LRRC7: variants seen among roughly 807,000 people sequenced by gnomAD.
LRRC7 encodes leucine-rich repeat-containing protein 7.
In LRRC7, 23 loss-of-function variants were observed where a neutral mutation model predicts 175.7. That is an observed-to-expected ratio of 0.13 (90% confidence interval 0.09 to 0.19). The LOEUF (loss-of-function observed/expected upper bound fraction) is 0.19, where lower values mean the gene tolerates loss of function less well. Among genes scored for constraint, LRRC7 ranks in the 10% least tolerant of loss-of-function variants. The pLI is 1.00. For synonymous variants in LRRC7, 685 were observed against 680.9 expected (o/e 1.01, Z -0.09); for missense variants, 1,354 against 1,904.7 (o/e 0.71, Z 5.38).
At position 69,568,282 on chromosome 1, in the gene LRRC7, G is replaced by A. The variant is rs1022138194; in HGVS notation, c.-358G>A. The A allele has an allele frequency of 1.0e-4, 20 of 194,096 alleles. No individual in the cohort carries two copies. The highest frequency in any genetic ancestry group is 1.9e-4 in the South Asian group (2 of 10,680). 12.0% of individuals were successfully genotyped at this position (194,096 alleles called of 1,614,324 possible). A position where few individuals can be genotyped will look rare whatever the true frequency, so the allele number is the denominator to read the frequency against. On this transcript the variant is annotated 5_prime_UTR_variant, in exon 1 of 27. Transcript: ENST00000651989. ...GGGAGGGAGCTGCGCCTCCGCCACCGCCGCCGCCGCCGCCGCTGCTGCTGC... is the reference window on the plus strand; with the variant it reads ...GGGAGGGAGCTGCGCCTCCGCCACCACCGCCGCCGCCGCCGCTGCTGCTGC...
At chr1:70,114,067 A>G (rs1314095340) in intron 26 of LRRC7, among the ~76,000 whole-genome samples, 1 of 152,186 alleles carries the variant, frequency 6.6e-6, no homozygotes, top group South Asian at 2.1e-4. Flanking sequence ...AAATCTTCCA[A>G]AAAAAAACCT....
intron 2 of LRRC7, among the ~76,000 whole-genome samples, chr1:69,755,284 T>A (rs1670283849): frequency 6.6e-6 from 1 of 151,124 alleles, no homozygotes; most frequent in African/African-American, 2.4e-5. Flanking sequence ...TCTCTCACTT[T>A]CCTAATGCAT....
At chr1:70,004,507 C>G (rs12084223) in intron 11 of LRRC7, among the ~76,000 whole-genome samples, 3,629 of 152,154 alleles carry the variant, frequency 0.024, 173 homozygotes, top group African/African-American at 0.084. Context: ...GTGTTTAGGC[C>G]TTATGACACG....
At chr1:69,861,739 A>C (rs1455449289) in intron 7 of LRRC7, among the ~76,000 whole-genome samples, 1 of 152,236 alleles carries the variant, frequency 6.6e-6, no homozygotes, top group Non-Finnish European at 1.5e-5. Flanking sequence ...TAGCCGTGAC[A>C]GAAAAGGCTA....
intron 1 of LRRC7, among the ~76,000 whole-genome samples, chr1:69,585,030 A>G (rs981871397): frequency 3.3e-5 from 5 of 152,186 alleles, no homozygotes; most frequent in Admixed American, 3.3e-4. Flanking sequence ...ATGTTATACA[A>G]AATGTTCCAT....
intron 2 of LRRC7, among the ~76,000 whole-genome samples, chr1:69,729,996 C>T (rs1365219028): frequency 6.6e-6 from 1 of 152,330 alleles, no homozygotes; most frequent in Admixed American, 6.5e-5. Flanking sequence ...CACATGAAAG[C>T]TACCAAGGCT....
At chr1:69,639,984 G>T (rs115147306) in intron 1 of LRRC7, among the ~76,000 whole-genome samples, 2,819 of 151,768 alleles carry the variant, frequency 0.019, 90 homozygotes, top group African/African-American at 0.063. Context: ...TTCTTGTTCT[G>T]TTGGCATTAG....
rs1684449668 is a variant in LRRC7 at position 69,862,394 on chromosome 1, A to G, written c.647+24111A>G. 3.3e-5 allele frequency among the ~76,000 whole-genome samples: 5 copies of G among 152,290 alleles called. No homozygotes were observed. In the South Asian group the frequency reaches 8.3e-4, roughly 25 times the overall value. On this transcript the variant is annotated intron_variant, in intron 7 of 26. Coordinates refer to ENST00000651989, the MANE Select transcript of LRRC7 (RefSeq NM_001370785.2). ...AATGAAACTTTTTATAATAAAATCA[A>G]AAATTAAAACTGAGTATTTTCACTG...
chr1:69,772,736 A>G (rs950115713), intron 3 of LRRC7, among the ~76,000 whole-genome samples: 2 of 152,180 alleles, frequency 1.3e-5, no homozygotes, highest in African/African-American at 4.8e-5. Flanking sequence ...TGATAATGAA[A>G]TGGATTTGGG....
chr1:69,744,193 A>G (rs566643420), intron 2 of LRRC7, among the ~76,000 whole-genome samples: 1 of 152,008 alleles, frequency 6.6e-6, no homozygotes, highest in Non-Finnish European at 1.5e-5. Flanking sequence ...ATTATCTAAT[A>G]TATTTACTTA....
chr1:69,782,296 G>A (rs1156956184), intron 3 of LRRC7, among the ~76,000 whole-genome samples: 2 of 152,172 alleles, frequency 1.3e-5, no homozygotes, highest in African/African-American at 2.4e-5. Flanking sequence ...CACACTTTCC[G>A]TACTGCAGGA....
intron 4 of LRRC7, among the ~76,000 whole-genome samples, chr1:69,797,864 C>A (rs536856466): frequency 1.3e-5 from 2 of 152,046 alleles, no homozygotes; most frequent in African/African-American, 4.8e-5. Flanking sequence ...TCTATTAACT[C>A]CTACATTCCA....
chr1:69,671,655 G>T (rs1275676508), intron 1 of LRRC7, among the ~76,000 whole-genome samples: 4 of 152,136 alleles, frequency 2.6e-5, no homozygotes, highest in African/African-American at 9.7e-5. Context: ...TGGTAGTGAG[G>T]CTTCCTGGAG....
At chr1:69,896,202 A>G (rs1645975472) in intron 7 of LRRC7, among the ~76,000 whole-genome samples, 1 of 152,130 alleles carries the variant, frequency 6.6e-6, no homozygotes, top group East Asian at 1.9e-4. Context: ...TTTTCAGGGT[A>G]CATGTGATAA....
chr1:69,613,094 GC>G (rs1303040765), intron 1 of LRRC7, among the ~76,000 whole-genome samples: 1 of 151,952 alleles, frequency 6.6e-6, no homozygotes, highest in African/African-American at 2.4e-5. Context: ...AGCCAGTTTG[GC>G]CTGCTATAAC....
At chr1:69,810,322 A>G (rs1387423890) in intron 4 of LRRC7, among the ~76,000 whole-genome samples, 2 of 152,226 alleles carry the variant, frequency 1.3e-5, no homozygotes, top group Non-Finnish European at 2.9e-5. Context: ...AGGAAGAATC[A>G]ATATCATGAA....
chr1:70,026,667 A>G lies in LRRC7; in HGVS notation c.1795-1504A>G, dbSNP rs141379859. ...TATATTTCTATATATTATCAATGTC[A>G]TCCTTATTTATTTGAGAGTTTAAAG... On this transcript the variant is annotated intron_variant, in intron 17 of 26. Coordinates refer to ENST00000651989, the MANE Select transcript of LRRC7 (RefSeq NM_001370785.2). Among the ~76,000 whole-genome samples, 762 of 152,222 alleles carry G rather than the reference A, an allele frequency of 5.0e-3. 8 individuals are homozygous for G. The highest frequency in any genetic ancestry group is 0.017 in the African/African-American group (694 of 41,538).
At chr1:69,999,182 G>A (rs1287469649) in intron 11 of LRRC7, among the ~76,000 whole-genome samples, 1 of 152,216 alleles carries the variant, frequency 6.6e-6, no homozygotes, top group Non-Finnish European at 1.5e-5. Context: ...AAACTGAGCT[G>A]TTTAAATAGT....
chr1:69,801,072 T>G (rs564357557), intron 4 of LRRC7, among the ~76,000 whole-genome samples: 1 of 151,444 alleles, frequency 6.6e-6, no homozygotes, highest in Non-Finnish European at 1.5e-5. Flanking sequence ...CTTCACACAC[T>G]TTGAATAAAA....
Sources: allele counts gnomAD v4.1 joint callset (sites outside exome capture counted in the v4.1 genomes callset), GRCh38; gene constraint gnomAD v4.1.1; transcripts MANE v1.5; gene names NCBI Gene and HGNC (gene_info 2026-07-23, HGNC 2026-07-21).